LGR4: variants seen among roughly 807,000 people sequenced by gnomAD.
LGR4 encodes leucine-rich repeat-containing G protein-coupled receptor 4.
A neutral mutation model predicts 84.8 loss-of-function variants in LGR4; 44 were observed. The observed-to-expected ratio is 0.52, with a 90% CI of 0.41 to 0.67. The LOEUF is 0.67. LGR4 is among the 30% of genes least tolerant of loss of function. The pLI, the probability that LGR4 is intolerant of heterozygous loss-of-function variation, is 0.00. For missense variants in LGR4, 1,032 were observed against 1,131.4 expected, an observed-to-expected ratio of 0.91 and a Z score of 1.26; for synonymous variants, 429 against 434.3, an observed-to-expected ratio of 0.99 and a Z score of 0.15.
At chr11:27,449,985 A>G (rs1864455100) in intron 1 of LGR4, among the ~76,000 whole-genome samples, 1 of 152,242 alleles carries the variant, frequency 6.6e-6, no homozygotes, top group African/African-American at 2.4e-5. Flanking sequence ...CTTGTTCAAC[A>G]TGGAAACTGA....
At chr11:27,434,093 T>G (rs1329185136) in intron 1 of LGR4, among the ~76,000 whole-genome samples, 3 of 152,206 alleles carry the variant, frequency 2.0e-5, no homozygotes, top group Non-Finnish European at 4.4e-5. Flanking sequence ...TTAAGGCATT[T>G]TTATTACTAT....
chr11:27,367,890 T>G lies in LGR4; in HGVS notation c.2833A>C (p.Asn945His). 1 of 1,595,428 alleles carries G rather than the reference T, an allele frequency of 6.3e-7. No homozygotes were observed. Among genetic ancestry groups the G allele is most frequent in the South Asian group, 1.1e-5 (1 of 87,324 alleles). ...GTTCAGTCTTTAACTCTTGGTAGAT[T>G]GTAAGCATAGCGCACCAAAGGGAAT... ...RGFPLVRYAY[N>H]LPRVKD The change falls in exon 18 of 18, where the codon AAT becomes CAT. Residue 945 changes from asparagine (N) to histidine (H), a missense_variant. Asn to His is a moderately conservative substitution (Grantham distance 68, BLOSUM62 1). Coordinates refer to ENST00000379214, the MANE Select transcript of LGR4 (RefSeq NM_018490.5).
intron 1 of LGR4, among the ~76,000 whole-genome samples, chr11:27,446,583 G>A (rs1317421153): frequency 2.6e-5 from 4 of 152,180 alleles, no homozygotes; most frequent in Admixed American, 6.5e-5. Context: ...TTACACTGTT[G>A]GTGGGACTGT....
chr11:27,434,290 A>G (rs915490725), intron 1 of LGR4, among the ~76,000 whole-genome samples: 1 of 152,254 alleles, frequency 6.6e-6, no homozygotes, highest in Non-Finnish European at 1.5e-5. Context: ...CTCTCATGTA[A>G]ATAAGAGAAG....
chr11:27,440,838 A>G (rs1380571395), intron 1 of LGR4, among the ~76,000 whole-genome samples: 2 of 152,196 alleles, frequency 1.3e-5, no homozygotes, highest in Admixed American at 6.5e-5. Context: ...AAATTCAAGT[A>G]ACTGGGCCCC....
Position 27,384,323 on chromosome 11 carries a change from T to A in LGR4, c.689+13A>T. Reference sequence around the variant, plus strand: ...TATCACAATGCAGTTGCCCAAAATATGAATATACTTACAAGGTCTCCAGGT... The same window carrying A: ...TATCACAATGCAGTTGCCCAAAATAAGAATATACTTACAAGGTCTCCAGGT... On this transcript the variant is annotated intron_variant, in intron 6 of 17. Transcript: ENST00000379214. 6.4e-7 allele frequency: 1 copy of A among 1,557,194 alleles called. No homozygotes were observed.
chr11:27,395,400 G>T (rs1178395454), intron 2 of LGR4, among the ~76,000 whole-genome samples: 1 of 151,536 alleles, frequency 6.6e-6, no homozygotes, highest in Non-Finnish European at 1.5e-5. Flanking sequence ...GCAAAATGCA[G>T]AACACCTGAT....
intron 13 of LGR4, 97 bp from the exon 14 acceptor site, chr11:27,374,143 T>C (rs1454445330): frequency 2.6e-6 from 2 of 783,346 alleles, no homozygotes; most frequent in Non-Finnish European, 4.5e-6. Context: ...TAACACAATA[T>C]CGCTGATAAG....
At position 27,391,134 on chromosome 11, in the gene LGR4, G is replaced by C. The variant is rs1329612369; in HGVS notation, c.361C>G (p.Pro121Ala). Residue 121 changes from proline (P) to alanine (A), a missense_variant, in exon 4 of 18, where the codon CCC (proline) becomes GCC (alanine). Physicochemically the swap from Pro to Ala is conservative, Grantham distance 27 (BLOSUM62 -1). Transcript: ENST00000379214. ...CTCAGCCCTCGAATGGCTTCACTGG[G>C]TACTGTTTTCAACTGATTATTCTGG... is the stretch of plus-strand genomic sequence containing the variant. The part of the protein sequence containing the change: ...TLQNNQLKTV[P>A]SEAIRGLSAL... 1 of 1,609,762 alleles carries C rather than the reference G, an allele frequency of 6.2e-7. No individual in the cohort carries two copies. The highest frequency in any genetic ancestry group is 1.3e-5 in the African/African-American group (1 of 74,708).
chr11:27,415,714 T>C (rs1414999283), intron 1 of LGR4, among the ~76,000 whole-genome samples: 2 of 152,110 alleles, frequency 1.3e-5, no homozygotes, highest in African/African-American at 2.4e-5. Context: ...TTACAACATT[T>C]ATGAAGTAAA....
At chr11:27,470,755 G>A (rs1864855991) in intron 1 of LGR4, among the ~76,000 whole-genome samples, 1 of 149,426 alleles carries the variant, frequency 6.7e-6, no homozygotes. Context: ...AAACTAACCT[G>A]AGACAGGAAA....
At chr11:27,448,089 A>C (rs1301708784) in intron 1 of LGR4, among the ~76,000 whole-genome samples, 1 of 152,192 alleles carries the variant, frequency 6.6e-6, no homozygotes, top group African/African-American at 2.4e-5. Context: ...GTATGAAATT[A>C]AAGAATTTGG....
At chr11:27,380,753 C>T in intron 8 of LGR4, 42 bp from the exon 9 acceptor site, 3 of 1,369,240 alleles carry the variant, frequency 2.2e-6, no homozygotes, top group Non-Finnish European at 3.1e-6. Context: ...CATATGTTCA[C>T]AAGCACTCTA....
At chr11:27,454,264 T>C (rs991858411) in intron 1 of LGR4, among the ~76,000 whole-genome samples, 1 of 152,206 alleles carries the variant, frequency 6.6e-6, no homozygotes, top group African/African-American at 2.4e-5. Flanking sequence ...GATTGATATA[T>C]TATGTCTCCC....
In LGR4 at chr11:27,368,740, C is replaced by G; in HGVS notation, c.1983G>C (p.Gln661His). 6.2e-7 allele frequency: 1 copy of G among 1,613,870 alleles called. No individual in the cohort carries two copies. The highest frequency in any genetic ancestry group is 8.5e-7 in the Non-Finnish European group (1 of 1,179,930). ...AAGCCAAAAGGGCAGCAACCCGGAA[C>G]TGTTTGAGATGATTGCTCTTCCCAT... ...MKNGKSNHLK[Q>H]FRVAALLAFL... Residue 661 changes from glutamine (Q) to histidine (H), a missense_variant, in exon 18 of 18, where the codon CAG becomes CAC. Transcript: ENST00000379214.
intron 1 of LGR4, among the ~76,000 whole-genome samples, chr11:27,464,812 C>T (rs928635235): frequency 4.6e-5 from 7 of 151,934 alleles, no homozygotes. Flanking sequence ...CACTCTGATT[C>T]AAATACCAAA....
chr11:27,432,981 T>C (rs905998813), intron 1 of LGR4, among the ~76,000 whole-genome samples: 1 of 152,218 alleles, frequency 6.6e-6, no homozygotes, highest in African/African-American at 2.4e-5. Flanking sequence ...GTTCACATCA[T>C]GGCAACATGA....
At chr11:27,459,992 G>A (rs1864654007) in intron 1 of LGR4, among the ~76,000 whole-genome samples, 1 of 152,118 alleles carries the variant, frequency 6.6e-6, no homozygotes, top group African/African-American at 2.4e-5. Flanking sequence ...TCGGGAGGCT[G>A]AAGCATGAGA....
chr11:27,428,111 C>T (rs1014205143), intron 1 of LGR4, among the ~76,000 whole-genome samples: 2 of 151,638 alleles, frequency 1.3e-5, no homozygotes, highest in Non-Finnish European at 2.9e-5. Context: ...TTTTATCTTA[C>T]GCATTTTTTG....
Sources: allele counts gnomAD v4.1 joint callset (sites outside exome capture counted in the v4.1 genomes callset), GRCh38; gene constraint gnomAD v4.1.1; transcripts MANE v1.5; gene names NCBI Gene and HGNC (gene_info 2026-07-23, HGNC 2026-07-21).